USP34: variants seen among roughly 807,000 people sequenced by gnomAD.
USP34 encodes the protein ubiquitin carboxyl-terminal hydrolase 34.
USP34 carries 70 observed loss-of-function variants against 460.3 expected under a neutral mutation model. The ratio of observed to expected loss-of-function variants is 0.15; its 90% CI spans 0.13 to 0.19. The LOEUF is 0.19. Among genes scored for constraint, USP34 ranks in the 10% least tolerant of loss-of-function variants. USP34 has a pLI of 1.00. For synonymous variants in USP34, 1,647 were observed against 1,405.3 expected (o/e 1.17, Z -3.85); for missense variants, 3,985 against 4,236.2 (o/e 0.94, Z 1.65).
intron 27 of USP34, among the ~76,000 whole-genome samples, chr2:61,305,329 A>T (rs995201553): frequency 6.6e-6 from 1 of 152,128 alleles, no homozygotes; most frequent in African/African-American, 2.4e-5. Flanking sequence ...GAAAAAAAAA[A>T]ATTTACAGAC....
At chr2:61,228,769 A>T (rs1319665071) in intron 60 of USP34, 50 bp from the exon 61 acceptor site, 1 of 1,595,956 alleles carries the variant, frequency 6.3e-7, no homozygotes, top group Non-Finnish European at 8.5e-7. Context: ...AAAGCAATTA[A>T]GTTGCAAATA....
At chr2:61,284,386 G>A (rs1689626834) in intron 35 of USP34, among the ~76,000 whole-genome samples, 1 of 152,138 alleles carries the variant, frequency 6.6e-6, no homozygotes, top group African/African-American at 2.4e-5. Flanking sequence ...GAGAAAGGCT[G>A]AGAAAGTTAT....
chr2:61,194,217 G>A (rs1686727315), intron 75 of USP34: 1 of 985,352 alleles, frequency 1.0e-6, no homozygotes, highest in Non-Finnish European at 1.2e-6. Flanking sequence ...TTCCTGTCAA[G>A]ATGAGTCCCT....
intron 3 of USP34, among the ~76,000 whole-genome samples, chr2:61,397,671 T>A (rs1245843086): frequency 1.3e-5 from 2 of 149,712 alleles, no homozygotes; most frequent in East Asian, 4.0e-4. Flanking sequence ...GAGGCCGAGG[T>A]GGGCGGATCA....
At chr2:61,309,293 A>G (rs917600261) in intron 27 of USP34, among the ~76,000 whole-genome samples, 2 of 152,234 alleles carry the variant, frequency 1.3e-5, no homozygotes, top group African/African-American at 4.8e-5. Flanking sequence ...ACCACTGAAT[A>G]GAACACTCCC....
intron 33 of USP34, among the ~76,000 whole-genome samples, chr2:61,292,792 T>C (rs772694123): frequency 6.6e-6 from 1 of 152,182 alleles, no homozygotes; most frequent in East Asian, 1.9e-4. Context: ...CTGGGCAGTT[T>C]TGTATATCAT....
At chr2:61,436,005 G>T (rs2104010546) in intron 1 of USP34, among the ~76,000 whole-genome samples, 1 of 151,826 alleles carries the variant, frequency 6.6e-6, no homozygotes, top group East Asian at 1.9e-4. Context: ...TCCAGCTTGG[G>T]TGACAAAGTG....
intron 51 of USP34, 123 bp from the exon 52 acceptor site, chr2:61,241,942 A>T: frequency 1.8e-6 from 1 of 545,942 alleles, no homozygotes; most frequent in Non-Finnish European, 3.1e-6. Flanking sequence ...GTAGTTTTCA[A>T]ACACCGCCGC....
At chr2:61,211,698 T>C (rs1687276864) in intron 69 of USP34, 74 bp downstream of exon 69, 1 of 1,401,880 alleles carries the variant, frequency 7.1e-7, no homozygotes. Context: ...GTAAATGATT[T>C]ATCTTTAAAC....
Position 61,204,268 on chromosome 2 carries a change from C to A in USP34, c.9372G>T (p.Val3124=). Residue 3124 remains valine, a synonymous_variant, in exon 74 of 80, where the codon GTG becomes GTT. Coordinates refer to ENST00000398571, the MANE Select transcript of USP34 (RefSeq NM_014709.4). ...CATCCCAACATACCTTACTGGTTTC[C>A]ACCATTGTGGGCAAGAGGCACATAT... ...ELNMCLLPTM[V]ETSKGKDDVY... is the part of the protein sequence containing the mutation. The A allele has an allele frequency of 6.2e-7, 1 of 1,614,152 alleles. No individual in the cohort carries two copies. Among genetic ancestry groups the A allele is most frequent in the Non-Finnish European group, 8.5e-7 (1 of 1,180,020 alleles).
chr2:61,451,297 GATAAATT>G (rs1421738721), intron 1 of USP34, among the ~76,000 whole-genome samples: 3 of 137,160 alleles, frequency 2.2e-5, no homozygotes, highest in Non-Finnish European at 4.7e-5. Flanking sequence ...CAGGCACAAA[GATAAATT>G]ATAAAGTGAC....
At chr2:61,356,978 A>C (rs1406212153) in intron 10 of USP34, among the ~76,000 whole-genome samples, 1 of 152,250 alleles carries the variant, frequency 6.6e-6, no homozygotes, top group Non-Finnish European at 1.5e-5. Flanking sequence ...GAATGGAAGA[A>C]ATAGAGAAAT....
chr2:61,289,364 T>C (rs1204144451), intron 33 of USP34, among the ~76,000 whole-genome samples: 1 of 152,148 alleles, frequency 6.6e-6, no homozygotes, highest in African/African-American at 2.4e-5. Context: ...CTGAAACTCT[T>C]GCACTTTCCA....
intron 27 of USP34, among the ~76,000 whole-genome samples, chr2:61,311,071 CAAAGT>C (rs1489098261): frequency 6.6e-6 from 1 of 152,088 alleles, no homozygotes; most frequent in East Asian, 1.9e-4. Flanking sequence ...GGTGGACCTT[CAAAGT>C]AAAGGTTCAA....
chr2:61,288,159 G>A (rs200411567), intron 34 of USP34, among the ~76,000 whole-genome samples: 2 of 152,288 alleles, frequency 1.3e-5, no homozygotes, highest in East Asian at 3.9e-4. Flanking sequence ...ATGAGCATAA[G>A]AGCGTAACTG....
At chr2:61,395,028 T>A in intron 4 of USP34, 26 bp from the exon 5 acceptor site, 1 of 1,559,444 alleles carries the variant, frequency 6.4e-7, no homozygotes, top group Non-Finnish European at 8.6e-7. Flanking sequence ...AAACATGTCA[T>A]TATTTGAAAA....
At chr2:61,430,081 G>A (rs1476454619) in intron 1 of USP34, among the ~76,000 whole-genome samples, 4 of 152,044 alleles carry the variant, frequency 2.6e-5, no homozygotes, top group African/African-American at 9.7e-5. Flanking sequence ...CGCGCGTGGT[G>A]GTGGGCACCT....
At chr2:61,387,928 T>TACACACAC (rs36116916) in intron 5 of USP34, among the ~76,000 whole-genome samples, 2,474 of 142,612 alleles carry the variant, frequency 0.017, 36 homozygotes, top group South Asian at 0.088. Context: ...AATATATTTA[T>TACACACAC]ACACACACAC....
chr2:61,235,242 C>T (rs1688032018), intron 57 of USP34, among the ~76,000 whole-genome samples: 1 of 151,674 alleles, frequency 6.6e-6, no homozygotes, highest in Non-Finnish European at 1.5e-5. Context: ...CTTAATAAAG[C>T]TGGTTAAGAA....
Sources: allele counts gnomAD v4.1 joint callset (sites outside exome capture counted in the v4.1 genomes callset), GRCh38; gene constraint gnomAD v4.1.1; transcripts MANE v1.5; gene names NCBI Gene and HGNC (gene_info 2026-07-23, HGNC 2026-07-21).